The following SYNPO2 variants were observed in gnomAD, a reference collection of about 807,000 sequenced individuals.
SYNPO2 encodes the protein synaptopodin-2.
A neutral mutation model predicts 85.0 loss-of-function variants in SYNPO2; 56 were observed. The ratio of observed to expected loss-of-function variants is 0.66; its 90% CI spans 0.53 to 0.82. SYNPO2 has a LOEUF of 0.82. Among genes scored for constraint, SYNPO2 ranks in the 40% least tolerant of loss-of-function variants. The pLI, the probability that SYNPO2 is intolerant of heterozygous loss-of-function variation, is 0.00. For missense variants in SYNPO2, 1,575 were observed against 1,534.2 expected, an observed-to-expected ratio of 1.03 and a Z score of -0.44; for synonymous variants, 602 against 591.1, an observed-to-expected ratio of 1.02 and a Z score of -0.27.
At chr4:118,940,743 A>G (rs970832040) in intron 1 of SYNPO2, among the ~76,000 whole-genome samples, 2 of 152,160 alleles carry the variant, frequency 1.3e-5, no homozygotes, top group African/African-American at 4.8e-5. Context: ...GGTTTTTCAG[A>G]TGATGAAGGG....
chr4:118,873,318 T>C (rs1468334310), intron 1 of SYNPO2, among the ~76,000 whole-genome samples: 1 of 152,208 alleles, frequency 6.6e-6, no homozygotes, highest in East Asian at 1.9e-4. Flanking sequence ...ACCAACAGTG[T>C]ATAAGTGTTT....
At chr4:119,014,710 TAC>T (rs1737461445) in intron 1 of SYNPO2, among the ~76,000 whole-genome samples, 1 of 152,216 alleles carries the variant, frequency 6.6e-6, no homozygotes, top group Non-Finnish European at 1.5e-5. Context: ...ATAGATCACA[TAC>T]TCTTAAACAC....
chr4:118,869,885 T>C (rs761229552), intron 1 of SYNPO2, among the ~76,000 whole-genome samples: 3 of 152,236 alleles, frequency 2.0e-5, no homozygotes, highest in Non-Finnish European at 4.4e-5. Context: ...TTTCTACAAA[T>C]TGATGGTTCT....
chr4:118,944,193 T>A (rs969100512), intron 1 of SYNPO2, among the ~76,000 whole-genome samples: 3 of 152,080 alleles, frequency 2.0e-5, no homozygotes, highest in African/African-American at 7.2e-5. Context: ...CAAGTGCACA[T>A]TAAGTGTACT....
intron 4 of SYNPO2, among the ~76,000 whole-genome samples, chr4:119,051,744 A>G (rs1381796824): frequency 2.0e-5 from 3 of 152,190 alleles, no homozygotes; most frequent in Non-Finnish European, 4.4e-5. Context: ...CTGTACTGAA[A>G]ATGAGATGAC....
At chr4:118,879,314 C>G (rs911103029) in intron 1 of SYNPO2, among the ~76,000 whole-genome samples, 4 of 152,200 alleles carry the variant, frequency 2.6e-5, no homozygotes, top group African/African-American at 7.2e-5. Flanking sequence ...TTAGAGCTTC[C>G]TTTTCCCTAG....
At chr4:118,972,195 C>A (rs1560927995) in intron 1 of SYNPO2, among the ~76,000 whole-genome samples, 1 of 152,152 alleles carries the variant, frequency 6.6e-6, no homozygotes, top group Non-Finnish European at 1.5e-5. Flanking sequence ...TGCCTGTACA[C>A]TTTGGGAGAC....
At chr4:118,917,466 C>T (rs1733380029) in intron 1 of SYNPO2, among the ~76,000 whole-genome samples, 1 of 151,996 alleles carries the variant, frequency 6.6e-6, no homozygotes, top group South Asian at 2.1e-4. Flanking sequence ...ACAAAAGAAA[C>T]TCACCTTAAA....
chr4:118,902,651 G>C (rs62326792), intron 1 of SYNPO2, among the ~76,000 whole-genome samples: 25,180 of 152,102 alleles, frequency 0.17, 2,246 homozygotes, highest in Middle Eastern at 0.21. Context: ...ACTTATTTAA[G>C]TGAATAATCA....
At chr4:118,880,322 C>T (rs1732058753) in intron 1 of SYNPO2, among the ~76,000 whole-genome samples, 1 of 152,162 alleles carries the variant, frequency 6.6e-6, no homozygotes. Flanking sequence ...TTATGTCCCT[C>T]CAAGTTCATA....
intron 1 of SYNPO2, among the ~76,000 whole-genome samples, chr4:118,931,753 TG>T (rs1733940031): frequency 6.6e-6 from 1 of 152,190 alleles, no homozygotes; most frequent in Non-Finnish European, 1.5e-5. Flanking sequence ...TCCATTCCTT[TG>T]GCTAAATTGA....
chr4:118,879,364 A>G (rs780590526), intron 1 of SYNPO2, among the ~76,000 whole-genome samples: 3 of 152,136 alleles, frequency 2.0e-5, no homozygotes, highest in Non-Finnish European at 2.9e-5. Flanking sequence ...CCTGAAATTC[A>G]TATGTTGAAT....
chr4:119,059,577 A>T lies in SYNPO2; in HGVS notation c.*1643A>T, dbSNP rs1739340659. 1 of 152,176 alleles carries T rather than the reference A, an allele frequency of 6.6e-6. No homozygotes were observed. The allele number at this position is 152,176 out of a possible 1,614,324, so 9.4% of individuals were successfully genotyped here. A position where few individuals can be genotyped will look rare whatever the true frequency, so the allele number is the denominator to read the frequency against. On this transcript the variant is annotated 3_prime_UTR_variant, in exon 5 of 5. Transcript: ENST00000307142. ...TATTTTTAAGTAAAAAACCATCTTA[A>T]GTATTCAAAATTTCCTTGGTTTTTT...
chr4:118,976,817 C>T (rs1249539584), intron 1 of SYNPO2, among the ~76,000 whole-genome samples: 2 of 152,016 alleles, frequency 1.3e-5, no homozygotes, highest in East Asian at 1.9e-4. Flanking sequence ...TTGAGCTAGA[C>T]ATAAAGGTTC....
At position 118,895,320 on chromosome 4, in the gene SYNPO2, T is replaced by C. The variant is rs117345548; in HGVS notation, c.105+6179T>C. ...CCATATCCCTCTAGCCCCTCCATGG[T>C]TGAGGGAAGGAGGAAAGATGTGAAG... On this transcript the variant is annotated intron_variant, in intron 1 of 4. Coordinates refer to ENST00000307142, the MANE Select transcript of SYNPO2 (RefSeq NM_133477.3). 1.3e-3 allele frequency among the ~76,000 whole-genome samples: 195 copies of C among 152,150 alleles called. 3 individuals carry two copies. The East Asian group carries it at 0.026, about 20-fold the overall frequency.
chr4:118,947,256 T>C (rs770251590), intron 1 of SYNPO2, among the ~76,000 whole-genome samples: 3 of 152,212 alleles, frequency 2.0e-5, no homozygotes, highest in Non-Finnish European at 4.4e-5. Context: ...GCACAATGCA[T>C]ATTCGAACAA....
rs899111628 is a variant in SYNPO2 at position 119,005,509 on chromosome 4, G to T, written c.106-17921G>T. On this transcript the variant is annotated intron_variant, in intron 1 of 4. Transcript: ENST00000307142. ...AATCCTTTCCCCATTTCTTGTTTTT[G>T]TCAGGTTTGTCAAAGATCAGATAGT... 3.2e-5 allele frequency among the ~76,000 whole-genome samples: 4 copies of T among 124,154 alleles called. No homozygotes were observed. The South Asian group carries it at 1.4e-3, about 42-fold the overall frequency. The allele number at this position is 124,154 out of a possible 152,430, so 81.4% of individuals were successfully genotyped here. A position where few individuals can be genotyped will look rare whatever the true frequency, so the allele number is the denominator to read the frequency against.
At chr4:118,969,730 A>G (rs1022623541) in intron 1 of SYNPO2, among the ~76,000 whole-genome samples, 1 of 151,842 alleles carries the variant, frequency 6.6e-6, no homozygotes, top group African/African-American at 2.4e-5. Flanking sequence ...TAAGGTCACT[A>G]ATATATGAAA....
intron 1 of SYNPO2, among the ~76,000 whole-genome samples, chr4:118,867,880 T>C (rs942708172): frequency 7.2e-5 from 11 of 152,058 alleles, no homozygotes; most frequent in Admixed American, 3.3e-4. Context: ...TAAGATGAAT[T>C]CGGAAAAAAT....
Sources: gnomAD v4.1 joint callset for allele counts (sites outside exome capture counted in the v4.1 genomes callset) on GRCh38, gnomAD v4.1.1 for gene constraint, MANE v1.5 for transcripts, NCBI Gene and HGNC (gene_info 2026-07-23, HGNC 2026-07-21) for gene names.